DIAPH3: variants seen among roughly 807,000 people sequenced by gnomAD.
DIAPH3 encodes the protein protein diaphanous homolog 3.
A neutral mutation model predicts 144.3 loss-of-function variants in DIAPH3; 117 were observed. That is an observed-to-expected ratio of 0.81 (90% CI 0.70 to 0.95). The LOEUF (loss-of-function observed/expected upper bound fraction) is 0.95, where lower values mean the gene tolerates loss of function less well. Ranked by LOEUF, DIAPH3 falls within the 40% of genes least tolerant of loss-of-function variation. DIAPH3 has a pLI of 0.00. For missense variants in DIAPH3, 1,421 were observed against 1,412.7 expected (o/e 1.01, Z -0.09); for synonymous variants, 519 against 488.9 (o/e 1.06, Z -0.81).
intron 3 of DIAPH3, among the ~76,000 whole-genome samples, chr13:60,102,421 G>T (rs950738824): frequency 5.3e-5 from 8 of 151,920 alleles, no homozygotes; most frequent in Non-Finnish European, 1.0e-4. Flanking sequence ...GAACATAATG[G>T]TCACTTTTTA....
At chr13:59,928,728 A>G (rs958969519) in intron 17 of DIAPH3, among the ~76,000 whole-genome samples, 1 of 152,146 alleles carries the variant, frequency 6.6e-6, no homozygotes, top group African/African-American at 2.4e-5. Context: ...AGTGATGAAG[A>G]TGAAGAGCCA....
At chr13:59,813,769 C>T (rs1207913654) in intron 24 of DIAPH3, among the ~76,000 whole-genome samples, 2 of 150,808 alleles carry the variant, frequency 1.3e-5, no homozygotes, top group Admixed American at 6.7e-5. Flanking sequence ...AGGAGAATCA[C>T]TTGAACCTGG....
intron 24 of DIAPH3, among the ~76,000 whole-genome samples, chr13:59,813,723 A>G (rs2040614808): frequency 6.6e-6 from 1 of 151,902 alleles, no homozygotes; most frequent in Non-Finnish European, 1.5e-5. Flanking sequence ...GTGTGGTGGC[A>G]CACACCTGTA....
chr13:59,884,126 T>C (rs1194719935), intron 20 of DIAPH3, among the ~76,000 whole-genome samples: 2 of 152,074 alleles, frequency 1.3e-5, no homozygotes, highest in Non-Finnish European at 2.9e-5. Context: ...GTGAGATCAG[T>C]AGTGACATTA....
chr13:59,811,282 T>C (rs527457016), intron 24 of DIAPH3, among the ~76,000 whole-genome samples: 1 of 152,114 alleles, frequency 6.6e-6, no homozygotes, highest in African/African-American at 2.4e-5. Flanking sequence ...GCAACTGAAT[T>C]AGGGTTTTCC....
At chr13:60,010,419 C>T (rs895073962) in intron 8 of DIAPH3, 114 bp downstream of exon 8, 8 of 1,157,812 alleles carry the variant, frequency 6.9e-6, no homozygotes, top group Non-Finnish European at 8.5e-6. Context: ...AAATATACCT[C>T]AACATTTATT....
At chr13:60,037,407 A>G (rs895990350) in intron 5 of DIAPH3, among the ~76,000 whole-genome samples, 2 of 151,998 alleles carry the variant, frequency 1.3e-5, no homozygotes, top group Non-Finnish European at 2.9e-5. Context: ...ATTTCACTCA[A>G]AACTAGCATA....
intron 27 of DIAPH3, among the ~76,000 whole-genome samples, chr13:59,698,556 A>G (rs2033937979): frequency 6.6e-6 from 1 of 152,204 alleles, no homozygotes; most frequent in African/African-American, 2.4e-5. Context: ...AACTAAGCAA[A>G]AATCCCTTTC....
At chr13:60,158,195 T>A (rs1442485273) in intron 1 of DIAPH3, among the ~76,000 whole-genome samples, 1 of 152,228 alleles carries the variant, frequency 6.6e-6, no homozygotes, top group Admixed American at 6.5e-5. Flanking sequence ...TTGCTTTTTA[T>A]AATTTTGTCA....
At chr13:59,797,751 C>G (rs1308608108) in intron 25 of DIAPH3, among the ~76,000 whole-genome samples, 1 of 152,068 alleles carries the variant, frequency 6.6e-6, no homozygotes. Flanking sequence ...CATTGCCCTA[C>G]CTGAACCCCA....
rs775935939 is a variant in DIAPH3 at position 59,879,277 on chromosome 13, G to A, written c.2559C>T (p.Gly853=). 36 of 1,613,876 alleles carry A rather than the reference G, an allele frequency of 2.2e-5. No individual in the cohort carries two copies. The East Asian group carries it at 5.8e-4, about 26-fold the overall frequency. Residue 853 remains glycine (G), a synonymous_variant, in exon 21 of 28, where the codon GGC becomes GGT. Coordinates refer to ENST00000400324, the MANE Select transcript of DIAPH3 (RefSeq NM_001042517.2). ...VLLMGNYMNA[G]SRNAQTFGFN... is the part of the protein sequence containing the mutation. ...ATCCGAAGGTTTGAGCATTCCGGGA[G>A]CCAGCATTCATGTAGTTTCCCATTA...
chr13:60,158,767 T>C (rs1179922016), intron 1 of DIAPH3, among the ~76,000 whole-genome samples: 2 of 151,534 alleles, frequency 1.3e-5, no homozygotes, highest in African/African-American at 2.4e-5. Context: ...CAGCAGGAGG[T>C]TGGAGGCTAT....
chr13:59,856,365 C>T (rs765741924), intron 22 of DIAPH3, among the ~76,000 whole-genome samples: 1 of 152,000 alleles, frequency 6.6e-6, no homozygotes, highest in Non-Finnish European at 1.5e-5. Context: ...CATAAAATAC[C>T]CCAGGCTGAG....
intron 27 of DIAPH3, among the ~76,000 whole-genome samples, chr13:59,674,282 C>A (rs924556714): frequency 6.6e-6 from 1 of 152,066 alleles, no homozygotes; most frequent in African/African-American, 2.4e-5. Context: ...TTATAACAGC[C>A]CTGTGAGATA....
intron 24 of DIAPH3, among the ~76,000 whole-genome samples, chr13:59,826,268 A>G (rs341520): frequency 0.32 from 17,657 of 54,900 alleles, 4,403 homozygotes; most frequent in Non-Finnish European, 0.35. Context: ...ACATGATTGT[A>G]TATCTAGAAA....
intron 17 of DIAPH3, among the ~76,000 whole-genome samples, chr13:59,930,109 A>G (rs1395724161): frequency 6.6e-6 from 1 of 152,184 alleles, no homozygotes; most frequent in Non-Finnish European, 1.5e-5. Context: ...TCCAAAGGAC[A>G]TTTGTACTCC....
At chr13:59,690,958 A>G (rs1409201282) in intron 27 of DIAPH3, among the ~76,000 whole-genome samples, 2 of 152,168 alleles carry the variant, frequency 1.3e-5, no homozygotes, top group East Asian at 3.8e-4. Flanking sequence ...AGCAAAGAGG[A>G]CAGAGGAACT....
chr13:59,784,100 A>ATTTG (rs2038898168), intron 25 of DIAPH3, among the ~76,000 whole-genome samples: 2 of 152,102 alleles, frequency 1.3e-5, no homozygotes, highest in East Asian at 3.9e-4. Flanking sequence ...TTATTTATTT[A>ATTTG]GAGGCGAAGT....
intron 5 of DIAPH3, among the ~76,000 whole-genome samples, chr13:60,040,551 GTTTTC>G (rs2055585604): frequency 6.8e-6 from 1 of 146,938 alleles, no homozygotes; most frequent in East Asian, 1.9e-4. Flanking sequence ...CTTCTATTTT[GTTTTC>G]TTTTGTTAGC....
Sources: allele counts gnomAD v4.1 joint callset (sites outside exome capture counted in the v4.1 genomes callset), GRCh38; gene constraint gnomAD v4.1.1; transcripts MANE v1.5; gene names NCBI Gene and HGNC (gene_info 2026-07-23, HGNC 2026-07-21).